Variants in C10orf67 observed in about 807,000 individuals in gnomAD.
C10orf67 encodes chromosome 10 open reading frame 67.
Under a neutral mutation model 35.6 loss-of-function variants are expected in C10orf67, and 60 were observed. That is an observed-to-expected ratio of 1.68 (90% CI 1.37 to 2.09). The LOEUF (loss-of-function observed/expected upper bound fraction) is 2.09. Ranked by LOEUF, C10orf67 falls within the 30% of genes most tolerant of loss-of-function variation. C10orf67 has a pLI of 0.00. For missense variants in C10orf67, 474 were observed against 330.2 expected, an observed-to-expected ratio of 1.44 and a Z score of -3.38; for synonymous variants, 167 against 115.8, an observed-to-expected ratio of 1.44 and a Z score of -2.84.
In C10orf67 at chr10:23,328,232, G is replaced by C. The variant is rs147793424; in HGVS notation, c.327+4830C>G. Among the ~76,000 whole-genome samples the C allele has an allele frequency of 2.6e-3, 401 of 152,190 alleles. 2 individuals are homozygous for C. Among genetic ancestry groups the C allele is most frequent in the African/African-American group, 9.2e-3 (382 of 41,528 alleles). Reference sequence around the variant, plus strand: ...TGTCAGCCCAATATCCGGCATCATGGTTCTTCTTTACTGATGGAACCATGA... The same window carrying C: ...TGTCAGCCCAATATCCGGCATCATGCTTCTTCTTTACTGATGGAACCATGA... On this transcript the variant is annotated intron_variant, in intron 2 of 15. Coordinates refer to ENST00000636213, the MANE Select transcript of C10orf67 (RefSeq NM_001371909.1).
intron 5 of C10orf67, among the ~76,000 whole-genome samples, chr10:23,299,720 G>A (rs1844005726): frequency 6.6e-6 from 1 of 152,172 alleles, no homozygotes; most frequent in African/African-American, 2.4e-5. Flanking sequence ...GCTCATGCCT[G>A]TAATCCCAGC....
chr10:23,270,085 G>GGCCA, intron 8 of C10orf67, among the ~76,000 whole-genome samples: 1 of 152,138 alleles, frequency 6.6e-6, no homozygotes, highest in Admixed American at 6.5e-5. Flanking sequence ...CTGGGGGAGG[G>GGCCA]GCCAAGAGCC....
chr10:23,204,982 C>T (rs553458532), intron 15 of C10orf67, among the ~76,000 whole-genome samples: 7 of 152,286 alleles, frequency 4.6e-5, no homozygotes, highest in South Asian at 2.1e-4. Context: ...TTGCAGCCTG[C>T]GGTCACCGGT....
intron 8 of C10orf67, 84 bp from the exon 9 acceptor site, chr10:23,267,338 G>C: frequency 1.6e-6 from 1 of 618,642 alleles, no homozygotes; most frequent in Non-Finnish European, 2.9e-6. Flanking sequence ...TATAAGCAAT[G>C]AAAGAGTAAC....
intron 8 of C10orf67, among the ~76,000 whole-genome samples, chr10:23,276,176 C>T (rs77410001): frequency 1.6e-3 from 250 of 152,272 alleles, no homozygotes; most frequent in African/African-American, 5.8e-3. Flanking sequence ...GCTTTAACCA[C>T]TGAGTGTAGG....
intron 2 of C10orf67, among the ~76,000 whole-genome samples, chr10:23,329,491 T>C (rs1340223593): frequency 2.0e-5 from 3 of 152,178 alleles, no homozygotes; most frequent in Non-Finnish European, 2.9e-5. Context: ...CCCAATCTTA[T>C]GTGAAGTATT....
At chr10:23,280,078 C>T (rs549685755) in intron 8 of C10orf67, among the ~76,000 whole-genome samples, 1 of 152,212 alleles carries the variant, frequency 6.6e-6, no homozygotes, top group East Asian at 1.9e-4. Context: ...AGGTCTCGAA[C>T]TCCTGGGCTC....
intron 8 of C10orf67, 63 bp downstream of exon 8, chr10:23,281,950 C>A: frequency 1.9e-6 from 1 of 523,692 alleles, no homozygotes; most frequent in Non-Finnish European, 3.5e-6. Context: ...GTTTATAAAA[C>A]TTTCATGGTT....
At position 23,223,369 on chromosome 10, in the gene C10orf67, T is replaced by C. The variant is rs77602478; in HGVS notation, c.1570+229A>G. Among the ~76,000 whole-genome samples, 1,335 of 152,258 alleles carry C rather than the reference T, an allele frequency of 8.8e-3. 22 individuals are homozygous for C. The highest frequency in any genetic ancestry group is 0.029 in the African/African-American group (1,223 of 41,566). ...GTGCTAGGATTACAGGCATGAGCCA[T>C]TGGGCCTGGCATAGATTGATTTTCA... On this transcript the variant is annotated intron_variant, in intron 15 of 15. Coordinates refer to ENST00000636213, the MANE Select transcript of C10orf67 (RefSeq NM_001371909.1).
At chr10:23,205,331 GGGCATTGT>G (rs994804795) in intron 15 of C10orf67, among the ~76,000 whole-genome samples, 1 of 152,190 alleles carries the variant, frequency 6.6e-6, no homozygotes, top group Non-Finnish European at 1.5e-5. Context: ...ATAGCATAAA[GGGCATTGT>G]TTTCTGCATC....
chr10:23,304,378 G>T (rs1780200400), intron 4 of C10orf67, among the ~76,000 whole-genome samples: 1 of 152,172 alleles, frequency 6.6e-6, no homozygotes, highest in Admixed American at 6.5e-5. Context: ...CTTGGGGTGG[G>T]CCTGCAACCT....
At chr10:23,318,717 A>G in intron 4 of C10orf67, 1 of 590,896 alleles carries the variant, frequency 1.7e-6, no homozygotes, top group Non-Finnish European at 3.0e-6. Flanking sequence ...GGATGTTTTC[A>G]GCTGCAAGTA....
intron 2 of C10orf67, among the ~76,000 whole-genome samples, chr10:23,326,235 T>C (rs76654007): frequency 0.011 from 1,708 of 152,202 alleles, 27 homozygotes; most frequent in African/African-American, 0.039. Flanking sequence ...CTTAGGTACA[T>C]AATAATCAAG....
chr10:23,314,427 G>C (rs528331402), intron 4 of C10orf67, among the ~76,000 whole-genome samples: 12 of 151,148 alleles, frequency 7.9e-5, no homozygotes, highest in African/African-American at 2.9e-4. Context: ...TTTGAGACCA[G>C]CCTGGGCAAC....
In C10orf67 at chr10:23,329,983, A is replaced by T. The variant is rs117821805; in HGVS notation, c.327+3079T>A. ...GTTTACTATTCAAAAACCAAATTTT[A>T]CCACATCATCAGATAAAGGAGAAAA... On this transcript the variant is annotated intron_variant, in intron 2 of 15. Coordinates refer to ENST00000636213, the MANE Select transcript of C10orf67 (RefSeq NM_001371909.1). Among the ~76,000 whole-genome samples the T allele has an allele frequency of 1.9e-3, 291 of 152,304 alleles. 5 individuals carry two copies. In the East Asian group the frequency reaches 0.031, roughly 16 times the overall value.
intron 4 of C10orf67, among the ~76,000 whole-genome samples, chr10:23,308,077 A>T (rs1031958663): frequency 7.9e-5 from 12 of 152,176 alleles, no homozygotes; most frequent in African/African-American, 2.9e-4. Flanking sequence ...ACAGATCCAA[A>T]CAGAGTTCAA....
At chr10:23,302,065 A>G (rs1047813653) in intron 5 of C10orf67, among the ~76,000 whole-genome samples, 1 of 152,232 alleles carries the variant, frequency 6.6e-6, no homozygotes, top group African/African-American at 2.4e-5. Context: ...GCCGTAACAA[A>G]CACGGACCAG....
rs1845454931 is a variant in C10orf67 at position 23,331,228 on chromosome 10, AGGAGGGAAGGGAAGGGAAGGGAAG to A, written c.327+1810_327+1833del. 2.4e-3 allele frequency among the ~76,000 whole-genome samples: 10 copies of A among 4,138 alleles called. 1 individual carries two copies. Among genetic ancestry groups the A allele is most frequent in the Admixed American group, 3.2e-3 (1 of 312 alleles). The allele number at this position is 4,138 out of a possible 152,430, so 2.7% of individuals were successfully genotyped here. ...GGGAAGAGGGAAGGGAAGGGAAGGGAGGAGGGAAGGGAAGGGAAGGGAAGAGGGAAGGGAAGGGAAGAGGGAAGG... is the reference window on the plus strand; with the variant it reads ...GGGAAGAGGGAAGGGAAGGGAAGGGAAGGGAAGGGAAGGGAAGAGGGAAGG... On this transcript the variant is annotated intron_variant, in intron 2 of 15. Transcript: ENST00000636213.
intron 10 of C10orf67, among the ~76,000 whole-genome samples, chr10:23,261,761 T>C (rs914020848): frequency 3.3e-5 from 5 of 152,156 alleles, no homozygotes; most frequent in African/African-American, 1.2e-4. Flanking sequence ...ATTGTTCAGA[T>C]ATGCAAATGG....
Sources: gnomAD v4.1 joint callset for allele counts (sites outside exome capture counted in the v4.1 genomes callset) on GRCh38, gnomAD v4.1.1 for gene constraint, MANE v1.5 for transcripts, NCBI Gene and HGNC (gene_info 2026-07-23, HGNC 2026-07-21) for gene names.